Variants in ATP6AP1 observed in about 807,000 individuals in gnomAD.
The protein encoded by ATP6AP1 is V-type proton ATPase subunit S1.
ATP6AP1 carries 1 observed loss-of-function variant against 32.0 expected under a neutral mutation model. That is an observed-to-expected ratio of 0.03 (90% CI 0.01 to 0.15). ATP6AP1 has a LOEUF of 0.15. ATP6AP1 is among the 10% of genes least tolerant of loss of function. ATP6AP1 has a pLI of 1.00. For missense variants in ATP6AP1, 297 were observed against 398.8 expected, an observed-to-expected ratio of 0.74 and a Z score of 2.17; for synonymous variants, 187 against 174.9, an observed-to-expected ratio of 1.07 and a Z score of -0.55.
intron 7 of ATP6AP1, 56 bp from the exon 8 acceptor site, chrX:154,435,083 A>T (rs2068711857): frequency 8.5e-7 from 1 of 1,170,222 alleles, no homozygotes; most frequent in African/African-American, 1.8e-5. Flanking sequence ...TGTTCCTCTA[A>T]GATGCCAAAG....
chrX:154,431,530 C>G, intron 2 of ATP6AP1: 1 of 214,091 alleles, frequency 4.7e-6, no homozygotes, highest in Non-Finnish European at 8.4e-6. Flanking sequence ...TTCCTCTTGT[C>G]TGTAGGGTGG....
intron 3 of ATP6AP1, 24 bp downstream of exon 3, chrX:154,431,928 G>A (rs782508007): frequency 5.9e-6 from 7 of 1,191,376 alleles, no homozygotes; most frequent in South Asian, 1.8e-5. Context: ...CCCAGCCAGG[G>A]GCCATGGGGG....
chrX:154,429,070 G>A lies in ATP6AP1; in HGVS notation c.184G>A (p.Asp62Asn). The A allele has an allele frequency of 3.3e-6, 4 of 1,211,693 alleles. No individual in the cohort carries two copies. Among genetic ancestry groups the A allele is most frequent in the Non-Finnish European group, 4.5e-6 (4 of 895,415 alleles). ...SDRDLWAPAA[D>N]THEGHITSDL... is the part of the protein sequence containing the mutation. ...CAGGGACTTGTGGGCTCCTGCGGCC[G>A]ACACTCATGAAGGCCACATCACCAG... The change falls in exon 2 of 10, where the codon GAC becomes AAC. Residue 62 changes from aspartate to asparagine, a missense_variant. By Grantham distance (23) the Asp-to-Asn change is conservative (BLOSUM62 1). Coordinates refer to ENST00000369762, the MANE Select transcript of ATP6AP1 (RefSeq NM_001183.6).
chrX:154,433,266 G>C (rs1360294927), intron 5 of ATP6AP1, among the ~76,000 whole-genome samples: 1 of 112,509 alleles, frequency 8.9e-6, no homozygotes, highest in Non-Finnish European at 1.9e-5. Flanking sequence ...GGTTTAATAA[G>C]ACTGCAGACA....
chrX:154,431,420 C>T (rs2068692599), intron 2 of ATP6AP1: 1 of 160,765 alleles, frequency 6.2e-6, no homozygotes, highest in Non-Finnish European at 1.2e-5. Context: ...CCCGTCCAGA[C>T]TGGACATAGC....
intron 2 of ATP6AP1, 66 bp downstream of exon 2, chrX:154,429,240 CACTG>C (rs1314924729): frequency 3.5e-6 from 4 of 1,142,551 alleles, no homozygotes; most frequent in South Asian, 3.8e-5. Flanking sequence ...CCCCCCATGA[CACTG>C]ACGCCCATTC....
intron 4 of ATP6AP1, 71 bp downstream of exon 4, chrX:154,432,530 G>C (rs2068699635): frequency 2.7e-6 from 3 of 1,094,203 alleles, no homozygotes; most frequent in Non-Finnish European, 3.6e-6. Flanking sequence ...TATGGCATGT[G>C]GTGGCACCGT....
Position 154,436,263 on chromosome X carries a change from C to G in ATP6AP1, c.*372C>G, listed in dbSNP as rs1557197694. ...TCCCTCCTTAAGGTTATAGGGCTCC[C>G]TGAGTTTGGGAGTGTGGAAGTACTA... On this transcript the variant is annotated 3_prime_UTR_variant, in exon 10 of 10. Transcript: ENST00000369762. The G allele has an allele frequency of 1.5e-5, 3 of 204,422 alleles. No individual in the cohort carries two copies. The Admixed American group carries it at 2.0e-4, about 14-fold the overall frequency. 16.8% of individuals were successfully genotyped at this position (204,422 alleles called of 1,213,427 possible).
intron 4 of ATP6AP1, 72 bp from the exon 5 acceptor site, chrX:154,432,859 G>T (rs1557197058): frequency 8.8e-7 from 1 of 1,141,914 alleles, no homozygotes; most frequent in African/African-American, 1.8e-5. Context: ...AGAAGCTGGG[G>T]TCGGGGAAGG....
intron 7 of ATP6AP1, among the ~76,000 whole-genome samples, chrX:154,434,780 T>C (rs990221875): frequency 8.9e-6 from 1 of 112,014 alleles, no homozygotes; most frequent in South Asian, 3.7e-4. Context: ...GCCAGCTATC[T>C]GAGCCATTTA....
intron 6 of ATP6AP1, 123 bp from the exon 7 acceptor site, chrX:154,434,085 G>A (rs2068707228): frequency 1.4e-6 from 1 of 701,173 alleles, no homozygotes; most frequent in Non-Finnish European, 2.2e-6. Context: ...TCCTCTGGCT[G>A]ATGGGACTTT....
At chrX:154,432,023 A>G in intron 3 of ATP6AP1, 119 bp downstream of exon 3, 2 of 807,714 alleles carry the variant, frequency 2.5e-6, no homozygotes, top group South Asian at 4.8e-5. Flanking sequence ...TTCTGGGTCA[A>G]CCATCCCCCC....
At chrX:154,429,807 A>G (rs1397903046) in intron 2 of ATP6AP1, 1 of 112,402 alleles carries the variant, frequency 8.9e-6, no homozygotes, top group Non-Finnish European at 1.9e-5. Context: ...TCTTTGCCCC[A>G]AAAGCAGGCG....
In ATP6AP1 at chrX:154,432,911, G is replaced by A. The variant is rs782776260; in HGVS notation, c.558-20G>A. ...GTCCAGGCCGCCTGAGGACTCTGGC[G>A]CTCTGTTTGTCTTCCATAGCTCTGG... On this transcript the variant is annotated intron_variant, in intron 4 of 9. Coordinates refer to ENST00000369762, the MANE Select transcript of ATP6AP1 (RefSeq NM_001183.6). The A allele has an allele frequency of 4.5e-5, 55 of 1,209,350 alleles. No individual in the cohort carries two copies. The highest frequency in any genetic ancestry group is 2.3e-4 in the Middle Eastern group (1 of 4,369).
chrX:154,429,151 G>A lies in ATP6AP1; in HGVS notation c.265G>A (p.Val89Met). The A allele has an allele frequency of 8.3e-7, 1 of 1,211,707 alleles. No individual in the cohort carries two copies. Among genetic ancestry groups the A allele is most frequent in the Non-Finnish European group, 1.1e-6 (1 of 895,421 alleles). The change falls in exon 2 of 10, where the codon GTG becomes ATG. Residue 89 changes from valine to methionine, a missense_variant. Transcript: ENST00000369762. ...CGCCCTGGAGCTGGGTCCCAGGAATGTGCTGCTGTTCCTGCAGGACAAGGT... is the reference window on the plus strand; with the variant it reads ...CGCCCTGGAGCTGGGTCCCAGGAATATGCTGCTGTTCCTGCAGGACAAGGT... ...DPALELGPRNVLLFLQDKLSI... is the reference protein window; with the variant it reads ...DPALELGPRNMLLFLQDKLSI...
At chrX:154,435,110 A>T (rs1271111402) in intron 7 of ATP6AP1, 29 bp from the exon 8 acceptor site, 1 of 1,200,679 alleles carries the variant, frequency 8.3e-7, no homozygotes, top group Non-Finnish European at 1.1e-6. Flanking sequence ...CCAGAGCCTC[A>T]CAGTGCGCCT....
rs781853406 is a variant in ATP6AP1 at position 154,435,904 on chromosome X, G to T, written c.*13G>T. On this transcript the variant is annotated 3_prime_UTR_variant, in exon 10 of 10. Coordinates refer to ENST00000369762, the MANE Select transcript of ATP6AP1 (RefSeq NM_001183.6). ...CCAGATTGTGTGACCCTGTGCCAGT[G>T]GGGGGGTTGAGGGTGGGACGGTGTC... 25 of 1,183,051 alleles carry T rather than the reference G, an allele frequency of 2.1e-5. No individual in the cohort carries two copies. Among genetic ancestry groups the T allele is most frequent in the Non-Finnish European group, 2.7e-5 (24 of 883,938 alleles).
At chrX:154,433,061 A>G (rs782457790) in intron 5 of ATP6AP1, 90 bp downstream of exon 5, 7 of 1,054,001 alleles carry the variant, frequency 6.6e-6, no homozygotes, top group Middle Eastern at 2.6e-4. Flanking sequence ...CGGCCTCCTC[A>G]CTCCCAGGGT....
At position 154,435,474 on chromosome X, in the gene ATP6AP1, C is replaced by T. The variant is rs782362083; in HGVS notation, c.1172C>T (p.Ser391Phe). ...GSLLVARTQP[S>F]PWQMMLQDFQ... ...CTCCTCGTGGCCCGCACGCAGCCCT[C>T]TCCCTGGCAGATGATGCTTCAGGAC... The change falls in exon 9 of 10, where the codon TCT becomes TTT. Residue 391 changes from serine to phenylalanine, a missense_variant. Around this residue, in one of 2 missense-constraint regions of ATP6AP1, gnomAD observed 155 missense variants for 253.8 expected, o/e 0.61. Coordinates refer to ENST00000369762, the MANE Select transcript of ATP6AP1 (RefSeq NM_001183.6). 1 of 1,210,563 alleles carries T rather than the reference C, an allele frequency of 8.3e-7. No individual in the cohort carries two copies. Among genetic ancestry groups the T allele is most frequent in the South Asian group, 1.8e-5 (1 of 56,932 alleles).
Sources: gnomAD v4.1 joint callset for allele counts (sites outside exome capture counted in the v4.1 genomes callset) on GRCh38, gnomAD v4.1.1 for gene constraint, gnomAD v4.1.1 regional missense constraint, MANE v1.5 for transcripts, NCBI Gene and HGNC (gene_info 2026-07-23, HGNC 2026-07-21) for gene names.